ARL5B: variants seen among roughly 807,000 people sequenced by gnomAD.
ARL5B encodes ADP-ribosylation factor-like protein 5B.
ARL5B carries 10 observed loss-of-function variants against 26.9 expected under a neutral mutation model. That is an observed-to-expected ratio of 0.37 (90% confidence interval 0.23 to 0.63). The LOEUF is 0.63. Among genes scored for constraint, ARL5B ranks in the 30% least tolerant of loss-of-function variants. The probability of loss-of-function intolerance (pLI) is 0.62; values close to 1 mark genes in which losing one functional copy is unlikely to be tolerated. For missense variants in ARL5B, 167 were observed against 213.9 expected (o/e 0.78, Z 1.37); for synonymous variants, 87 against 70.4 (o/e 1.24, Z -1.18).
At position 18,678,653 on chromosome 10, in the gene ARL5B, T is replaced by C. The variant is rs2059920237; in HGVS notation, c.*3437T>C. ...GATAAATTTCTTTGGAATTTATCTT[T>C]GGAGACCAACTTTATGAGGCAGACT... On this transcript the variant is annotated 3_prime_UTR_variant, in exon 6 of 6. Transcript: ENST00000377275. 1 of 151,908 alleles carries C rather than the reference T, an allele frequency of 6.6e-6. No individual in the cohort carries two copies. The highest frequency in any genetic ancestry group is 1.5e-5 in the Non-Finnish European group (1 of 67,808). 9.4% of individuals were successfully genotyped at this position (151,908 alleles called of 1,614,324 possible).
At chr10:18,663,622 C>T (rs1211014732) in intron 1 of ARL5B, among the ~76,000 whole-genome samples, 1 of 144,654 alleles carries the variant, frequency 6.9e-6, no homozygotes, top group Non-Finnish European at 1.5e-5. Flanking sequence ...TATCTCGGCT[C>T]ACTGCAAGCT....
At chr10:18,668,744 C>T in intron 3 of ARL5B, 67 bp downstream of exon 3, 1 of 1,498,644 alleles carries the variant, frequency 6.7e-7, no homozygotes, top group South Asian at 1.2e-5. Flanking sequence ...AGTAATTAGG[C>T]TGCACCTGGG....
In ARL5B at chr10:18,679,466, T is replaced by G. The variant is rs1402727768; in HGVS notation, c.*4250T>G. 2 of 151,940 alleles carry G rather than the reference T, an allele frequency of 1.3e-5. No individual in the cohort carries two copies. The highest frequency in any genetic ancestry group is 1.3e-4 in the Admixed American group (2 of 15,228). The allele number at this position is 151,940 out of a possible 1,614,324, so 9.4% of individuals were successfully genotyped here. On this transcript the variant is annotated 3_prime_UTR_variant, in exon 6 of 6. Coordinates refer to ENST00000377275, the MANE Select transcript of ARL5B (RefSeq NM_178815.5). The stretch of plus-strand genomic sequence containing the variant: ...ACATAAATCTGAAAGTGGTTTATAT[T>G]CAAGGTTAGTTTTTCAGTAGCGTCT...
intron 1 of ARL5B, among the ~76,000 whole-genome samples, chr10:18,660,757 G>A (rs2059830187): frequency 6.6e-6 from 1 of 152,328 alleles, no homozygotes; most frequent in South Asian, 2.1e-4. Context: ...CCTGTATCCA[G>A]TAACCACAGA....
At chr10:18,663,900 A>G (rs1171331458) in intron 1 of ARL5B, among the ~76,000 whole-genome samples, 2 of 151,508 alleles carry the variant, frequency 1.3e-5, no homozygotes, top group Non-Finnish European at 2.9e-5. Context: ...AAACACACTA[A>G]ACTTAAACTT....
At chr10:18,667,357 T>C (rs750613350) in intron 2 of ARL5B, among the ~76,000 whole-genome samples, 23 of 152,204 alleles carry the variant, frequency 1.5e-4, no homozygotes, top group African/African-American at 4.8e-5. Flanking sequence ...AACGCATTTT[T>C]CAGCTACTTT....
intron 1 of ARL5B, among the ~76,000 whole-genome samples, chr10:18,660,195 G>A (rs934128890): frequency 1.3e-5 from 2 of 152,060 alleles, no homozygotes; most frequent in African/African-American, 2.4e-5. Flanking sequence ...TCAGATGCAC[G>A]AGTTTTCCAG....
chr10:18,680,530 A>G lies in ARL5B; in HGVS notation c.*5314A>G, dbSNP rs1042712369. 8 of 152,172 alleles carry G rather than the reference A, an allele frequency of 5.3e-5. No individual in the cohort carries two copies. In the South Asian group the frequency reaches 1.7e-3, roughly 32 times the overall value. The allele number at this position is 152,172 out of a possible 1,614,324, so 9.4% of individuals were successfully genotyped here. A position where few individuals can be genotyped will look rare whatever the true frequency, so the allele number is the denominator to read the frequency against. ...CCAGTCATCAGTGACTTATTTGCAT[A>G]TTTAAGCCCTATTCACAAGAGACCA... On this transcript the variant is annotated 3_prime_UTR_variant, in exon 6 of 6. Coordinates refer to ENST00000377275, the MANE Select transcript of ARL5B (RefSeq NM_178815.5).
rs1335333250 is a variant in ARL5B, at chr10:18,681,296, C to T, written c.*6080C>T. 6.6e-6 allele frequency: 1 copy of T among 152,200 alleles called. No homozygotes were observed. The highest frequency in any genetic ancestry group is 1.9e-4 in the East Asian group (1 of 5,198). 9.4% of individuals were successfully genotyped at this position (152,200 alleles called of 1,614,324 possible). On this transcript the variant is annotated 3_prime_UTR_variant, in exon 6 of 6. Coordinates refer to ENST00000377275, the MANE Select transcript of ARL5B (RefSeq NM_178815.5). The stretch of plus-strand genomic sequence containing the variant: ...TTTAAAACAAGTAAATTAATGCATT[C>T]ACATGATCACTTCTTGAAAATGGTT...
rs917786446 is a variant in ARL5B at position 18,659,503 on chromosome 10, C to T, written c.-135C>T. The T allele has an allele frequency of 9.3e-6, 11 of 1,178,210 alleles. No individual in the cohort carries two copies. In the Admixed American group the frequency reaches 2.6e-4, roughly 28 times the overall value. The allele number at this position is 1,178,210 out of a possible 1,614,324, so 73.0% of individuals were successfully genotyped here. On this transcript the variant is annotated 5_prime_UTR_variant, in exon 1 of 6. Coordinates refer to ENST00000377275, the MANE Select transcript of ARL5B (RefSeq NM_178815.5). ...CTTCTGAGTGGTCGGGTCGAGGCTT[C>T]TCGGCCTAGCAGTGCCCTCGCTGCG...
At chr10:18,661,438 G>T (rs563485180) in intron 1 of ARL5B, among the ~76,000 whole-genome samples, 2 of 152,206 alleles carry the variant, frequency 1.3e-5, no homozygotes, top group South Asian at 4.2e-4. Context: ...AATTGTTCAG[G>T]CCTCCTGAAT....
Position 18,668,659 on chromosome 10 carries a change from A to C in ARL5B, c.237A>C (p.Thr79=). 1 of 1,614,018 alleles carries C rather than the reference A, an allele frequency of 6.2e-7. No individual in the cohort carries two copies. Residue 79 remains threonine (T), a synonymous_variant, in exon 3 of 6, where the codon ACA becomes ACC. Coordinates refer to ENST00000377275, the MANE Select transcript of ARL5B (RefSeq NM_178815.5). ...AGTCTCTGCGATCATCCTGGAACAC[A>C]TATTACTCAAATACAGAGGTATGCT... is the stretch of plus-strand genomic sequence containing the variant. ...GQESLRSSWN[T]YYSNTEFIIL...
chr10:18,661,830 G>C (rs2059838221), intron 1 of ARL5B, among the ~76,000 whole-genome samples: 1 of 152,186 alleles, frequency 6.6e-6, no homozygotes. Context: ...TATGCAAAAG[G>C]GAGAGGAATG....
At position 18,659,589 on chromosome 10, in the gene ARL5B, C is replaced by T. The variant is rs2059816863; in HGVS notation, c.-49C>T. 6.3e-7 allele frequency: 1 copy of T among 1,579,588 alleles called. No individual in the cohort carries two copies. The highest frequency in any genetic ancestry group is 1.8e-5 in the Admixed American group (1 of 54,780). ...CCGCGCCGCGGTGGGGGACCCGGCG[C>T]AGCGGCACCTGCTGCCGAGGGACCC... On this transcript the variant is annotated 5_prime_UTR_variant, in exon 1 of 6. Coordinates refer to ENST00000377275, the MANE Select transcript of ARL5B (RefSeq NM_178815.5).
intron 1 of ARL5B, among the ~76,000 whole-genome samples, chr10:18,665,680 CTG>C (rs2059858396): frequency 6.6e-6 from 1 of 152,144 alleles, no homozygotes; most frequent in African/African-American, 2.4e-5. Flanking sequence ...TACAAATCAA[CTG>C]TGTTGTGATT....
intron 1 of ARL5B, among the ~76,000 whole-genome samples, chr10:18,660,045 G>A (rs2059822477): frequency 6.6e-6 from 1 of 151,946 alleles, no homozygotes; most frequent in South Asian, 2.1e-4. Context: ...ATAAGTGTCC[G>A]CCCAGAAACC....
rs1393015534 is a variant in ARL5B at position 18,676,241 on chromosome 10, T to TA, written c.*1031dup. ...TTTTTACTACCAGCAGTATGTTACT[T>TA]AAAAAACTACATGGCTTTCCTTGAA... On this transcript the variant is annotated 3_prime_UTR_variant, in exon 6 of 6. Transcript: ENST00000377275. 1 of 152,456 alleles carries TA rather than the reference T, an allele frequency of 6.6e-6. No homozygotes were observed. The highest frequency in any genetic ancestry group is 1.5e-5 in the Non-Finnish European group (1 of 67,882). The allele number at this position is 152,456 out of a possible 1,614,324, so 9.4% of individuals were successfully genotyped here.
At chr10:18,672,537 A>G in intron 3 of ARL5B, 85 bp from the exon 4 acceptor site, 1 of 894,716 alleles carries the variant, frequency 1.1e-6, no homozygotes, top group Non-Finnish European at 1.8e-6. Flanking sequence ...ATGTAGAGAA[A>G]GTACTTAGAT....
At chr10:18,672,790 T>C in intron 4 of ARL5B, 85 bp downstream of exon 4, 1 of 815,220 alleles carries the variant, frequency 1.2e-6, no homozygotes, top group East Asian at 2.6e-5. Context: ...ATTAATGTGA[T>C]ATGATGTTGG....
Sources: gnomAD v4.1 joint callset for allele counts (sites outside exome capture counted in the v4.1 genomes callset) on GRCh38, gnomAD v4.1.1 for gene constraint, MANE v1.5 for transcripts, NCBI Gene and HGNC (gene_info 2026-07-23, HGNC 2026-07-21) for gene names.